SLC4A4: variants seen among roughly 807,000 people sequenced by gnomAD.
SLC4A4 encodes electrogenic sodium bicarbonate cotransporter 1.
SLC4A4 carries 27 observed loss-of-function variants against 111.5 expected under a neutral mutation model. The ratio of observed to expected loss-of-function variants is 0.24; its 90% CI spans 0.18 to 0.33. The LOEUF is 0.33. Ranked by LOEUF, SLC4A4 falls within the 10% of genes least tolerant of loss-of-function variation. The pLI, the probability that SLC4A4 is intolerant of heterozygous loss-of-function variation, is 1.00. For synonymous variants in SLC4A4, 443 were observed against 463.4 expected, an observed-to-expected ratio of 0.96 and a Z score of 0.57; for missense variants, 909 against 1,315.5, an observed-to-expected ratio of 0.69 and a Z score of 4.78.
At chr4:71,463,812 A>G (rs1026854002) in intron 12 of SLC4A4, among the ~76,000 whole-genome samples, 1 of 152,180 alleles carries the variant, frequency 6.6e-6, no homozygotes, top group Non-Finnish European at 1.5e-5. Context: ...GATGAGAGAA[A>G]GAGAAACATG....
intron 16 of SLC4A4, among the ~76,000 whole-genome samples, chr4:71,520,878 G>A (rs1044633350): frequency 3.3e-5 from 5 of 151,792 alleles, no homozygotes; most frequent in Admixed American, 2.6e-4. Context: ...AGAGAGAGAC[G>A]GGGTTTCACT....
intron 2 of SLC4A4, among the ~76,000 whole-genome samples, chr4:71,179,138 T>G (rs1321794254): frequency 3.3e-5 from 5 of 152,148 alleles, no homozygotes; most frequent in Admixed American, 1.3e-4. Flanking sequence ...GAAAAGGCCT[T>G]TGACAAAATT....
rs192373426 is a variant in SLC4A4, at chr4:71,330,914, G to C, written c.254-8456G>C. 2.8e-4 allele frequency among the ~76,000 whole-genome samples: 42 copies of C among 152,214 alleles called. 3 individuals carry two copies. The East Asian group carries it at 7.7e-3, about 28-fold the overall frequency. On this transcript the variant is annotated intron_variant, in intron 3 of 25. Coordinates refer to ENST00000264485, the MANE Select transcript of SLC4A4 (RefSeq NM_001098484.3). ...AAAAAAACAACCCCATCAAAAAGTG[G>C]GCGAAGGATCTGAACAGACCCTTCT...
At chr4:71,107,281 T>C (rs1742957927) in intron 2 of SLC4A4, among the ~76,000 whole-genome samples, 1 of 152,178 alleles carries the variant, frequency 6.6e-6, no homozygotes, top group African/African-American at 2.4e-5. Context: ...GTTTTCTATA[T>C]GTCTTATATC....
intron 2 of SLC4A4, among the ~76,000 whole-genome samples, chr4:71,103,075 G>C (rs2148947317): frequency 6.6e-6 from 1 of 151,748 alleles, no homozygotes; most frequent in African/African-American, 2.4e-5. Flanking sequence ...GTTGGAGGAA[G>C]ATCTACCAAG....
intron 2 of SLC4A4, among the ~76,000 whole-genome samples, chr4:71,241,555 G>A (rs916078703): frequency 1.8e-4 from 27 of 152,122 alleles, no homozygotes; most frequent in African/African-American, 6.3e-4. Flanking sequence ...GGTATAAAAC[G>A]TAATTTCTGA....
intron 2 of SLC4A4, among the ~76,000 whole-genome samples, chr4:71,117,975 C>T (rs999571802): frequency 6.0e-5 from 9 of 150,594 alleles, no homozygotes; most frequent in African/African-American, 1.5e-4. Context: ...CTCTCAGGTT[C>T]GAGTGATTCT....
chr4:71,314,608 T>C (rs926053330), intron 3 of SLC4A4, among the ~76,000 whole-genome samples: 2 of 152,192 alleles, frequency 1.3e-5, no homozygotes, highest in African/African-American at 4.8e-5. Flanking sequence ...TGAGTTCATG[T>C]CCTTTGCAGA....
chr4:71,224,592 A>G (rs1454461510), intron 1 of SLC4A4, among the ~76,000 whole-genome samples: 4 of 152,240 alleles, frequency 2.6e-5, no homozygotes, highest in African/African-American at 9.7e-5. Context: ...AGCAATTACA[A>G]TAGTAACTAA....
At chr4:71,450,606 A>T (rs1725672787) in intron 10 of SLC4A4, 63 bp downstream of exon 10, 1 of 736,520 alleles carries the variant, frequency 1.4e-6, no homozygotes, top group African/African-American at 1.9e-5. Context: ...AGGTTGTGTT[A>T]AAAAAAAAAA....
intron 2 of SLC4A4, among the ~76,000 whole-genome samples, chr4:71,152,187 A>T (rs1187743847): frequency 1.3e-5 from 2 of 152,156 alleles, no homozygotes; most frequent in African/African-American, 4.8e-5. Flanking sequence ...TGTTTTCTGT[A>T]CGTCTCTCCT....
intron 16 of SLC4A4, among the ~76,000 whole-genome samples, chr4:71,501,094 A>G (rs560909229): frequency 6.6e-6 from 1 of 152,294 alleles, no homozygotes; most frequent in East Asian, 1.9e-4. Context: ...TGAATACAGG[A>G]TATCTTTCCA....
chr4:71,086,011 C>T lies in SLC4A4; in HGVS notation c.-64-6719C>T, dbSNP rs372305309. Among the ~76,000 whole-genome samples, 4 of 152,042 alleles carry T rather than the reference C, an allele frequency of 2.6e-5. 1 individual carries two copies. Among genetic ancestry groups the T allele is most frequent in the African/African-American group, 9.7e-5 (4 of 41,358 alleles). On this transcript the variant is annotated intron_variant, in intron 1 of 26. Transcript: ENST00000649996. ...ACCTTGGGCAGTATGGCCATTTTCACGATATTGATTCTTCCTACCCATGAG... is the reference window on the plus strand; with the variant it reads ...ACCTTGGGCAGTATGGCCATTTTCATGATATTGATTCTTCCTACCCATGAG...
intron 1 of SLC4A4, among the ~76,000 whole-genome samples, chr4:71,065,584 A>G (rs761082303): frequency 1.4e-4 from 21 of 152,148 alleles, no homozygotes; most frequent in Non-Finnish European, 2.5e-4. Flanking sequence ...TTGACAATAT[A>G]TATATATTCT....
intron 1 of SLC4A4, among the ~76,000 whole-genome samples, chr4:71,230,867 T>C (rs1169289235): frequency 6.6e-6 from 1 of 152,172 alleles, no homozygotes; most frequent in Non-Finnish European, 1.5e-5. Context: ...TCCCCTGAGC[T>C]CAGTACCGCA....
chr4:71,518,859 G>A (rs1399147912), intron 16 of SLC4A4, among the ~76,000 whole-genome samples: 1 of 152,144 alleles, frequency 6.6e-6, no homozygotes, highest in Non-Finnish European at 1.5e-5. Flanking sequence ...CCTAGAGTCT[G>A]GGGTTCTCTA....
intron 7 of SLC4A4, among the ~76,000 whole-genome samples, chr4:71,423,457 A>G (rs1332927360): frequency 3.9e-5 from 6 of 152,234 alleles, no homozygotes; most frequent in Admixed American, 2.0e-4. Flanking sequence ...CAAGCTACCA[A>G]TGACTTTCTT....
intron 1 of SLC4A4, among the ~76,000 whole-genome samples, chr4:71,088,693 G>T (rs191663539): frequency 0.097 from 14,660 of 151,896 alleles, 969 homozygotes; most frequent in African/African-American, 0.18. Context: ...TGAAATTCTG[G>T]GGTGAAAATT....
Position 71,453,535 on chromosome 4 carries a change from C to T in SLC4A4, c.1363C>T (p.Pro455Ser), listed in dbSNP as rs1725953164. The change falls in exon 12 of 26, where the codon CCA (proline) becomes TCA (serine). Residue 455 changes from proline (P) to serine (S), a missense_variant. Coordinates refer to ENST00000264485, the MANE Select transcript of SLC4A4 (RefSeq NM_001098484.3). ...AATTAAAGACATAAAGAGGAAAGCG[C>T]CATTTTTTGCCAGTGATTTTTATGA... is the stretch of plus-strand genomic sequence containing the variant. ...GLIKDIKRKAPFFASDFYDAL... is the reference protein window; with the variant it reads ...GLIKDIKRKASFFASDFYDAL... The T allele has an allele frequency of 2.5e-6, 4 of 1,613,810 alleles. No homozygotes were observed. The Admixed American group carries it at 6.7e-5, about 27-fold the overall frequency.
Sources: gnomAD v4.1 joint callset for allele counts (sites outside exome capture counted in the v4.1 genomes callset) on GRCh38, gnomAD v4.1.1 for gene constraint, MANE v1.5 for transcripts, NCBI Gene and HGNC (gene_info 2026-07-23, HGNC 2026-07-21) for gene names.